The following STARD3NL variants were observed in gnomAD, a reference collection of about 807,000 sequenced individuals.
STARD3NL encodes the protein STARD3 N-terminal-like protein.
A neutral mutation model predicts 30.9 loss-of-function variants in STARD3NL; 17 were observed. The ratio of observed to expected loss-of-function variants is 0.55; its 90% confidence interval spans 0.38 to 0.82. The LOEUF is 0.82. STARD3NL is among the 40% of genes least tolerant of loss of function. The pLI is 0.00. For synonymous variants in STARD3NL, 112 were observed against 100.5 expected (o/e 1.11, Z -0.69); for missense variants, 234 against 277.6 (o/e 0.84, Z 1.12).
chr7:38,215,010 T>G lies in STARD3NL; in HGVS notation c.304-18T>G. 6.2e-7 allele frequency: 1 copy of G among 1,610,772 alleles called. No homozygotes were observed. The highest frequency in any genetic ancestry group is 8.5e-7 in the Non-Finnish European group (1 of 1,177,474). ...TGTATATATTTTTTAAAACATCCCT[T>G]TATTTTCTTACTTTCAGCTTCTGGC... On this transcript the variant is annotated intron_variant, in intron 3 of 8. Transcript: ENST00000009041.
chr7:38,203,686 A>C (rs1785296379), intron 1 of STARD3NL, among the ~76,000 whole-genome samples: 1 of 152,204 alleles, frequency 6.6e-6, no homozygotes, highest in Admixed American at 6.5e-5. Flanking sequence ...AGACTGGCAA[A>C]TTGGATAAAG....
In STARD3NL at chr7:38,207,455, T is replaced by G. The variant is rs752227647; in HGVS notation, c.-50T>G. On this transcript the variant is annotated 5_prime_UTR_variant, in exon 2 of 9. Coordinates refer to ENST00000009041, the MANE Select transcript of STARD3NL (RefSeq NM_032016.4). ...TTTTTTATTTCCCAAAGGTGTCTTC[T>G]CTTTAGGGATGGTGAGGTTGGAAAA... The G allele has an allele frequency of 4.6e-6, 7 of 1,507,522 alleles. No homozygotes were observed. The highest frequency in any genetic ancestry group is 6.4e-6 in the Non-Finnish European group (7 of 1,096,382). 93.4% of individuals were successfully genotyped at this position (1,507,522 alleles called of 1,614,324 possible).
chr7:38,192,805 C>G (rs1784741044), intron 1 of STARD3NL, among the ~76,000 whole-genome samples: 1 of 152,214 alleles, frequency 6.6e-6, no homozygotes, highest in South Asian at 2.1e-4. Flanking sequence ...CTGGCATCCA[C>G]TGATAAATAT....
At chr7:38,213,521 C>A (rs1444636484) in intron 2 of STARD3NL, among the ~76,000 whole-genome samples, 1 of 152,188 alleles carries the variant, frequency 6.6e-6, no homozygotes, top group Non-Finnish European at 1.5e-5. Flanking sequence ...TTATCCAGGT[C>A]TCTGGTTAAC....
chr7:38,227,684 C>T (rs544537813), intron 7 of STARD3NL, among the ~76,000 whole-genome samples: 7 of 152,064 alleles, frequency 4.6e-5, no homozygotes, highest in African/African-American at 1.7e-4. Flanking sequence ...TTTTTTAATT[C>T]CTCTTCCCTG....
At chr7:38,194,411 T>C (rs1232474998) in intron 1 of STARD3NL, among the ~76,000 whole-genome samples, 1 of 152,160 alleles carries the variant, frequency 6.6e-6, no homozygotes, top group Non-Finnish European at 1.5e-5. Context: ...ATCCTCCTTT[T>C]GGATTTACTA....
intron 2 of STARD3NL, 71 bp downstream of exon 2, chr7:38,207,800 C>T (rs1785577484): frequency 7.2e-7 from 1 of 1,388,586 alleles, no homozygotes; most frequent in African/African-American, 1.4e-5. Flanking sequence ...TTGTTCGTTT[C>T]TCTTATCATT....
chr7:38,219,564 G>A lies in STARD3NL; in HGVS notation c.554-1G>A, dbSNP rs775753752. The A allele has an allele frequency of 6.3e-7, 1 of 1,592,174 alleles. No homozygotes were observed. Among genetic ancestry groups the A allele is most frequent in the South Asian group, 1.1e-5 (1 of 89,310 alleles). On this transcript the variant is annotated splice_acceptor_variant, in intron 6 of 8. Coordinates refer to ENST00000009041, the MANE Select transcript of STARD3NL (RefSeq NM_032016.4). LOFTEE classifies it high-confidence loss of function. The stretch of plus-strand genomic sequence containing the variant: ...CAACATCTGAATTTCTTCTCTTCCA[G>A]GACTCCTGATAGTTCAGGATGCTTC...
chr7:38,222,272 C>T (rs530005803), intron 7 of STARD3NL, among the ~76,000 whole-genome samples: 2 of 151,918 alleles, frequency 1.3e-5, no homozygotes, highest in East Asian at 3.9e-4. Flanking sequence ...GGAGGAACTC[C>T]AAGTAACTTG....
intron 1 of STARD3NL, among the ~76,000 whole-genome samples, chr7:38,184,852 A>G (rs1195452052): frequency 6.7e-6 from 1 of 148,788 alleles, no homozygotes; most frequent in Non-Finnish European, 1.5e-5. Context: ...TACTATATAT[A>G]TGTATTTCCA....
intron 1 of STARD3NL, among the ~76,000 whole-genome samples, chr7:38,188,054 G>T (rs144008779): frequency 6.6e-6 from 1 of 152,180 alleles, no homozygotes; most frequent in Admixed American, 6.5e-5. Flanking sequence ...TATTGCTGCT[G>T]TCTCCTAACT....
At chr7:38,209,735 TG>T (rs959058747) in intron 2 of STARD3NL, among the ~76,000 whole-genome samples, 1 of 152,170 alleles carries the variant, frequency 6.6e-6, no homozygotes, top group African/African-American at 2.4e-5. Context: ...GGGGTAGAAC[TG>T]TGGTGGGGTT....
At chr7:38,222,050 A>G (rs1786494081) in intron 7 of STARD3NL, among the ~76,000 whole-genome samples, 1 of 152,036 alleles carries the variant, frequency 6.6e-6, no homozygotes, top group Non-Finnish European at 1.5e-5. Flanking sequence ...CACTGCCTTC[A>G]GCGCTGACCT....
At chr7:38,185,795 G>A (rs1036033660) in intron 1 of STARD3NL, among the ~76,000 whole-genome samples, 2 of 152,146 alleles carry the variant, frequency 1.3e-5, no homozygotes, top group African/African-American at 4.8e-5. Context: ...GGGAGGCGTT[G>A]AAGAATGTGT....
intron 1 of STARD3NL, among the ~76,000 whole-genome samples, chr7:38,193,041 A>C (rs964584028): frequency 6.6e-6 from 1 of 152,078 alleles, no homozygotes; most frequent in Non-Finnish European, 1.5e-5. Flanking sequence ...TAAGAGACTT[A>C]GCCACATTTT....
intron 7 of STARD3NL, among the ~76,000 whole-genome samples, chr7:38,222,077 G>T (rs1467597810): frequency 2.0e-5 from 3 of 151,630 alleles, no homozygotes; most frequent in African/African-American, 7.3e-5. Context: ...TTTCTACTGC[G>T]GGTTGTAAAC....
intron 1 of STARD3NL, among the ~76,000 whole-genome samples, chr7:38,197,144 C>CTTTCTTTCTTTCTTTCTT (rs1784945088): frequency 1.5e-5 from 2 of 135,064 alleles, no homozygotes; most frequent in African/African-American, 5.9e-5. Context: ...TTTTTTCTTT[C>CTTTCTTTCTTTCTTTCTT]TTTCTTTCTT....
At chr7:38,204,198 C>A (rs2116197237) in intron 1 of STARD3NL, among the ~76,000 whole-genome samples, 1 of 152,346 alleles carries the variant, frequency 6.6e-6, no homozygotes, top group East Asian at 1.9e-4. Flanking sequence ...CTCAGCACCA[C>A]ACTGCACTTA....
At chr7:38,204,948 T>A (rs1322060339) in intron 1 of STARD3NL, among the ~76,000 whole-genome samples, 1 of 152,140 alleles carries the variant, frequency 6.6e-6, no homozygotes, top group Non-Finnish European at 1.5e-5. Flanking sequence ...AGAAGTTGAA[T>A]CTCTGAATAG....
Sources: allele counts gnomAD v4.1 joint callset (sites outside exome capture counted in the v4.1 genomes callset), GRCh38; gene constraint gnomAD v4.1.1; transcripts MANE v1.5; gene names NCBI Gene and HGNC (gene_info 2026-07-23, HGNC 2026-07-21).